The following SIM2 variants were observed in gnomAD, a reference collection of about 807,000 sequenced individuals.
SIM2 encodes the protein single-minded homolog 2.
Under a neutral mutation model 64.8 loss-of-function variants are expected in SIM2, and 28 were observed. The ratio of observed to expected loss-of-function variants is 0.43; its 90% CI spans 0.32 to 0.59. SIM2 has a LOEUF of 0.59. Among genes scored for constraint, SIM2 ranks in the 20% least tolerant of loss-of-function variants. SIM2 has a pLI of 0.07. For missense variants in SIM2, 847 were observed against 871.4 expected (o/e 0.97, Z 0.35); for synonymous variants, 408 against 391.1 (o/e 1.04, Z -0.51).
intron 1 of SIM2, among the ~76,000 whole-genome samples, chr21:36,703,640 C>T (rs2255972): frequency 6.6e-6 from 1 of 152,280 alleles, no homozygotes; most frequent in East Asian, 1.9e-4. Flanking sequence ...GGACAGGAGA[C>T]CACGGCTGAC....
At chr21:36,746,054 A>G (rs2123510374) in intron 10 of SIM2, 1 of 1,068,410 alleles carries the variant, frequency 9.4e-7, no homozygotes, top group South Asian at 2.1e-5. Flanking sequence ...AGTGGCTCAC[A>G]CCTGTAATCC....
chr21:36,722,166 A>G (rs2088831298), intron 4 of SIM2, among the ~76,000 whole-genome samples: 2 of 152,064 alleles, frequency 1.3e-5, no homozygotes, highest in Admixed American at 6.6e-5. Flanking sequence ...GCTTCCACCC[A>G]CCGTGCTTGT....
chr21:36,719,831 C>A lies in SIM2; in HGVS notation c.359C>A (p.Thr120Lys), dbSNP rs748878245. The change falls in exon 4 of 11, where the codon ACG (threonine) becomes AAG (lysine). Residue 120 changes from threonine to lysine, a missense_variant. Coordinates refer to ENST00000290399, the MANE Select transcript of SIM2 (RefSeq NM_005069.6). ...TCCCTTCCACGGCAGGTGGAGCTCA[C>A]GGGCAACAGTATTTATGAATACATC... ...VHLGLSQVEL[T>K]GNSIYEYIHP... 1 of 1,608,530 alleles carries A rather than the reference C, an allele frequency of 6.2e-7. No individual in the cohort carries two copies. The highest frequency in any genetic ancestry group is 2.2e-5 in the East Asian group (1 of 44,846).
At chr21:36,713,145 T>C (rs367783236) in intron 3 of SIM2, among the ~76,000 whole-genome samples, 1 of 152,240 alleles carries the variant, frequency 6.6e-6, no homozygotes, top group African/African-American at 2.4e-5. Flanking sequence ...TCAGTGGTCG[T>C]TTCAGCAAAG....
chr21:36,709,238 G>A lies in SIM2; in HGVS notation c.246G>A (p.Ser82=), dbSNP rs780671500. 2.5e-6 allele frequency: 4 copies of A among 1,605,042 alleles called. No individual in the cohort carries two copies. Among genetic ancestry groups the A allele is most frequent in the East Asian group, 4.5e-5 (2 of 44,546 alleles). Residue 82 remains serine, a synonymous_variant, in exon 2 of 11, where the codon TCG becomes TCA. Transcript: ENST00000290399. ...ACGGCGTCGCCAAGGAGCTGGGATCGCACTTGCTGCAGGTAGAGCGGCCTC... is the reference window on the plus strand; with the variant it reads ...ACGGCGTCGCCAAGGAGCTGGGATCACACTTGCTGCAGGTAGAGCGGCCTC... ...PLDGVAKELG[S]HLLQTLDGFV...
At chr21:36,728,786 C>A (rs1568934368) in intron 6 of SIM2, among the ~76,000 whole-genome samples, 2 of 152,218 alleles carry the variant, frequency 1.3e-5, no homozygotes, top group Non-Finnish European at 2.9e-5. Context: ...GAGTCCAAAC[C>A]CCAGAAGCCA....
rs1171759375 is a variant in SIM2, at chr21:36,730,285, G to A, written c.744-760G>A. ...TGTGGTGTCTACATAAAACAGAAAC[G>A]TATTCAGTCCTAAGAAGGAATGAAG... On this transcript the variant is annotated intron_variant, in intron 6 of 10. Transcript: ENST00000290399. 5.3e-5 allele frequency among the ~76,000 whole-genome samples: 8 copies of A among 152,178 alleles called. No homozygotes were observed. In the South Asian group the frequency reaches 6.2e-4, roughly 12 times the overall value.
Position 36,747,150 on chromosome 21 carries a change from G to T in SIM2, c.1577-515G>T, listed in dbSNP as rs2089239386. Among the ~76,000 whole-genome samples the T allele has an allele frequency of 6.6e-6, 1 of 152,060 alleles. No individual in the cohort carries two copies. Among genetic ancestry groups the T allele is most frequent in the Non-Finnish European group, 1.5e-5 (1 of 68,004 alleles). ...ATGACACGGCGAAACCGATCGGGGT[G>T]GTTACCACCCCTCTCCACTAAGGGA... On this transcript the variant is annotated intron_variant, in intron 10 of 10. Coordinates refer to ENST00000290399, the MANE Select transcript of SIM2 (RefSeq NM_005069.6). This position sits in a 1 kb window ranked among gnomAD's most constrained non-coding sequence, Gnocchi z 4.5.
In SIM2 at chr21:36,699,955, G is replaced by T. The variant is rs2088464298; in HGVS notation, c.175+34G>T. The T allele has an allele frequency of 6.5e-7, 1 of 1,544,176 alleles. No homozygotes were observed. Among genetic ancestry groups the T allele is most frequent in the Non-Finnish European group, 8.7e-7 (1 of 1,150,202 alleles). ...TCAGGTGGGCGGCCGGGGACGCTGG[G>T]GAGCCCGGCGGCCCCGGCCCAGGCG... On this transcript the variant is annotated intron_variant, in intron 1 of 10. Coordinates refer to ENST00000290399, the MANE Select transcript of SIM2 (RefSeq NM_005069.6). The surrounding 1 kb of genome is among the most constrained non-coding windows in gnomAD (Gnocchi z 5.6).
At chr21:36,733,475 G>A (rs1271503402) in intron 7 of SIM2, among the ~76,000 whole-genome samples, 1 of 151,992 alleles carries the variant, frequency 6.6e-6, no homozygotes, top group Non-Finnish European at 1.5e-5. Context: ...GACTACGGGT[G>A]TGAGCCACTG....
chr21:36,709,706 CA>C, intron 2 of SIM2: 1 of 331,916 alleles, frequency 3.0e-6, no homozygotes, highest in South Asian at 2.3e-5. Flanking sequence ...ATCAATAATA[CA>C]ATATTAACAG....
chr21:36,716,755 A>G (rs2088751800), intron 3 of SIM2, among the ~76,000 whole-genome samples: 1 of 152,160 alleles, frequency 6.6e-6, no homozygotes, highest in African/African-American at 2.4e-5. Context: ...AAAGCTATCC[A>G]TTTTGTAGTT....
chr21:36,726,822 G>A lies in SIM2; in HGVS notation c.743+504G>A, dbSNP rs925809323. Among the ~76,000 whole-genome samples, 1 of 152,122 alleles carries A rather than the reference G, an allele frequency of 6.6e-6. No homozygotes were observed. Among genetic ancestry groups the A allele is most frequent in the South Asian group, 2.1e-4 (1 of 4,826 alleles). The stretch of plus-strand genomic sequence containing the variant: ...GAGCAGAGACGCTATCTACCCTGGG[G>A]GATGCTCTTCCCACAGCTCATGGGT... On this transcript the variant is annotated intron_variant, in intron 6 of 10. Transcript: ENST00000290399. This position sits in a 1 kb window ranked among gnomAD's most constrained non-coding sequence, Gnocchi z 4.5.
chr21:36,708,897 C>T (rs1489840201), intron 1 of SIM2, among the ~76,000 whole-genome samples: 2 of 152,248 alleles, frequency 1.3e-5, no homozygotes, highest in Admixed American at 6.5e-5. Flanking sequence ...CGTGGGCGAC[C>T]CGCGGGAGCT....
intron 1 of SIM2, among the ~76,000 whole-genome samples, chr21:36,708,926 C>T (rs1483132539): frequency 6.6e-6 from 1 of 152,208 alleles, no homozygotes; most frequent in African/African-American, 2.4e-5. Context: ...GGCAGGCTCG[C>T]ACAGGCGCCC....
chr21:36,747,929 G>A lies in SIM2; in HGVS notation c.1841G>A (p.Gly614Asp). The change falls in exon 11 of 11, where the codon GGC becomes GAC. Residue 614 changes from glycine (G) to aspartate (D), a missense_variant. This residue lies in a region of SIM2 where 447 missense variants were observed against 414.6 expected (regional missense o/e 1.08). Coordinates refer to ENST00000290399, the MANE Select transcript of SIM2 (RefSeq NM_005069.6). The surrounding 1 kb of genome is among the most constrained non-coding windows in gnomAD (Gnocchi z 4.5). ...CTGGCCCGGCGCGGACCGCTGGGGGGCGCCGCACCCGCCGCCTCCGGCCTG... is the reference window on the plus strand; with the variant it reads ...CTGGCCCGGCGCGGACCGCTGGGGGACGCCGCACCCGCCGCCTCCGGCCTG... ...RVLARRGPLG[G>D]AAPAASGLAC... 2.9e-6 allele frequency: 3 copies of A among 1,033,674 alleles called. No homozygotes were observed. Among genetic ancestry groups the A allele is most frequent in the East Asian group, 1.0e-4 (1 of 9,688 alleles). 64.0% of individuals were successfully genotyped at this position (1,033,674 alleles called of 1,614,324 possible).
chr21:36,746,912 C>T (rs1028658867), intron 10 of SIM2, among the ~76,000 whole-genome samples: 1 of 152,176 alleles, frequency 6.6e-6, no homozygotes, highest in African/African-American at 2.4e-5. Flanking sequence ...TAACAATCTC[C>T]TTATCACACA....
At chr21:36,740,009 GAGAAAGAA>G (rs71840582) in intron 7 of SIM2, among the ~76,000 whole-genome samples, 22,095 of 131,058 alleles carry the variant, frequency 0.17, 1,995 homozygotes, top group Admixed American at 0.22. Flanking sequence ...GAAAGAAAGA[GAGAAAGAA>G]AGAAAGAAAG....
At chr21:36,704,572 G>A (rs1268921266) in intron 1 of SIM2, among the ~76,000 whole-genome samples, 1 of 152,192 alleles carries the variant, frequency 6.6e-6, no homozygotes, top group African/African-American at 2.4e-5. Context: ...GATTCAGCGC[G>A]GGGCTAGAGG....
Sources: gnomAD v4.1 joint callset for allele counts (sites outside exome capture counted in the v4.1 genomes callset) on GRCh38, gnomAD v4.1.1 for gene constraint, gnomAD v4.1.1 regional missense constraint, Gnocchi (gnomAD v3.1) non-coding constraint, MANE v1.5 for transcripts, NCBI Gene and HGNC (gene_info 2026-07-23, HGNC 2026-07-21) for gene names.